The following LINC00237 variants were observed in gnomAD, a reference collection of about 807,000 sequenced individuals.
LINC00237 encodes long independently transcribed non-coding RNA 237, also known as long intergenic non-protein coding RNA 237.
intron 1 of LINC00237, among the ~76,000 whole-genome samples, chr20:21,104,985 G>A (rs1183659475): frequency 2.0e-5 from 3 of 152,164 alleles, no homozygotes; most frequent in African/African-American, 7.2e-5. Flanking sequence ...AATGGTCATG[G>A]CTGCATATCC....
At chr20:21,088,956 G>A (rs765965682) in intron 2 of LINC00237, among the ~76,000 whole-genome samples, 12 of 151,806 alleles carry the variant, frequency 7.9e-5, no homozygotes, top group Non-Finnish European at 1.6e-4. Context: ...AGAACCCTGT[G>A]GTTATTATTA....
chr20:21,089,344 T>C (rs952997800), intron 2 of LINC00237, among the ~76,000 whole-genome samples: 4 of 152,062 alleles, frequency 2.6e-5, no homozygotes, highest in Non-Finnish European at 4.4e-5. Context: ...ATATCCTTGA[T>C]GTCTCTAACA....
At chr20:21,094,044 G>A (rs879566489) in intron 1 of LINC00237, among the ~76,000 whole-genome samples, 5 of 152,216 alleles carry the variant, frequency 3.3e-5, no homozygotes, top group Non-Finnish European at 7.3e-5. Context: ...ATTTGGGAAG[G>A]GGAAGCCTTC....
At chr20:21,105,476 C>G (rs1446739985) in intron 1 of LINC00237, among the ~76,000 whole-genome samples, 2 of 152,340 alleles carry the variant, frequency 1.3e-5, no homozygotes, top group African/African-American at 4.8e-5. Flanking sequence ...GCAGACCTGG[C>G]TCTGCATAGC....
chr20:21,092,471 G>A (rs906113175), intron 2 of LINC00237, among the ~76,000 whole-genome samples: 2 of 152,182 alleles, frequency 1.3e-5, no homozygotes, highest in East Asian at 1.9e-4. Flanking sequence ...GGCACTTTGA[G>A]GTTGAATGCC....
At chr20:21,088,593 A>G (rs772222742) in intron 2 of LINC00237, among the ~76,000 whole-genome samples, 3 of 152,206 alleles carry the variant, frequency 2.0e-5, no homozygotes, top group Non-Finnish European at 1.5e-5. Flanking sequence ...GAAAGATAAA[A>G]GTAGAAATAG....
intron 3 of LINC00237, among the ~76,000 whole-genome samples, chr20:21,086,683 AC>A: frequency 1.3e-3 from 1 of 798 alleles, no homozygotes; most frequent in Non-Finnish European, 2.2e-3. Context: ...ATAGTATACT[AC>A]ATATACATAT....
rs532133169 is a variant in LINC00237, at chr20:21,096,559, C to G, written n.89-2707G>C. 3.3e-5 allele frequency among the ~76,000 whole-genome samples: 5 copies of G among 152,244 alleles called. No homozygotes were observed. In the East Asian group the frequency reaches 9.6e-4, roughly 29 times the overall value. ...ATGACGAGTGGCAGACAGGAGTCTC[C>G]GACCCTGGAAGATTAGTTTGTTGCC... On this transcript the variant is annotated intron_variant and non_coding_transcript_variant, in intron 1 of 3. Transcript: ENST00000691244.
At chr20:21,106,253 C>G (rs1470258747) in intron 1 of LINC00237, 1 of 152,902 alleles carries the variant, frequency 6.5e-6, no homozygotes, top group African/African-American at 2.4e-5. Flanking sequence ...CCGTCCTCCC[C>G]TCTCCAGACC....
At chr20:21,104,534 G>C (rs1278572467) in intron 1 of LINC00237, among the ~76,000 whole-genome samples, 1 of 152,228 alleles carries the variant, frequency 6.6e-6, no homozygotes, top group Non-Finnish European at 1.5e-5. Flanking sequence ...AGAGAGGTGC[G>C]GCCCCTGGAG....
intron 1 of LINC00237, among the ~76,000 whole-genome samples, chr20:21,105,352 CCCT>C (rs2030985677): frequency 6.9e-6 from 1 of 144,352 alleles, no homozygotes; most frequent in Non-Finnish European, 1.5e-5. Context: ...CGAGGGCCTG[CCCT>C]CCTCGGGCTA....
chr20:21,092,125 A>G, intron 2 of LINC00237, among the ~76,000 whole-genome samples: 1 of 152,184 alleles, frequency 6.6e-6, no homozygotes, highest in Non-Finnish European at 1.5e-5. Flanking sequence ...TGTTTACTCC[A>G]CCCAGTGTTC....
At chr20:21,100,198 A>G (rs16982475) in intron 1 of LINC00237, among the ~76,000 whole-genome samples, 3,509 of 152,114 alleles carry the variant, frequency 0.023, 116 homozygotes, top group African/African-American at 0.077. Flanking sequence ...GTTTTTAGGG[A>G]TGCCCGTAGA....
chr20:21,086,652 T>TAC (rs1303512243), intron 3 of LINC00237, among the ~76,000 whole-genome samples: 7 of 30,334 alleles, frequency 2.3e-4, no homozygotes, highest in African/African-American at 5.6e-4. Flanking sequence ...TAGTATACTA[T>TAC]ATATGTATAG....
intron 2 of LINC00237, chr20:21,090,556 TG>T (rs1309969125): frequency 6.6e-6 from 1 of 152,174 alleles, no homozygotes; most frequent in African/African-American, 2.4e-5. Context: ...GAGCATAATG[TG>T]CGGATGAAAA....
intron 1 of LINC00237, among the ~76,000 whole-genome samples, chr20:21,100,551 AC>A (rs1270078697): frequency 6.6e-6 from 1 of 151,946 alleles, no homozygotes; most frequent in Non-Finnish European, 1.5e-5. Context: ...AGGAGTTTTA[AC>A]CTTTGGTTCC....
intron 1 of LINC00237, among the ~76,000 whole-genome samples, chr20:21,103,883 CTG>C (rs1469338602): frequency 1.9e-4 from 29 of 152,300 alleles, no homozygotes; most frequent in Non-Finnish European, 2.9e-5. Context: ...ATAAGACTAA[CTG>C]TTTTTCCTTT....
rs1200294303 is a variant in LINC00237 at position 21,101,505 on chromosome 20, C to T, written n.88+4766G>A. 6.6e-6 allele frequency: 1 copy of T among 152,292 alleles called. No individual in the cohort carries two copies. Among genetic ancestry groups the T allele is most frequent in the African/African-American group, 2.4e-5 (1 of 41,462 alleles). The allele number at this position is 152,292 out of a possible 1,614,324, so 9.4% of individuals were successfully genotyped here. A position where few individuals can be genotyped will look rare whatever the true frequency, so the allele number is the denominator to read the frequency against. On this transcript the variant is annotated intron_variant and non_coding_transcript_variant, in intron 1 of 3. Transcript: ENST00000691244. This position sits in a 1 kb window ranked among gnomAD's most constrained non-coding sequence, Gnocchi z 4.3. ...GAGGCGCGTGCGGGGGAAAGGCCCA[C>T]CCACGCTGTCCCTGGAGTCCCCTCC...
At chr20:21,099,491 A>G (rs543008224) in intron 1 of LINC00237, among the ~76,000 whole-genome samples, 1 of 152,100 alleles carries the variant, frequency 6.6e-6, no homozygotes, top group African/African-American at 2.4e-5. Context: ...ATTTCAATCC[A>G]TGATCTTTAA....
Sources: allele counts gnomAD v4.1 joint callset (sites outside exome capture counted in the v4.1 genomes callset), GRCh38; gene constraint gnomAD v4.1.1; non-coding constraint Gnocchi (gnomAD v3.1); transcripts MANE v1.5; gene names NCBI Gene and HGNC (gene_info 2026-07-23, HGNC 2026-07-21).